The following COL16A1 variants were observed in gnomAD, a reference collection of about 807,000 sequenced individuals.
COL16A1 encodes collagen alpha-1(XVI) chain.
COL16A1 carries 189 observed loss-of-function variants against 266.3 expected under a neutral mutation model. The observed-to-expected ratio is 0.71, with a 90% confidence interval of 0.63 to 0.80. The LOEUF (loss-of-function observed/expected upper bound fraction) is 0.80, where lower values mean the gene tolerates loss of function less well. COL16A1 is among the 30% of genes least tolerant of loss of function. The probability of loss-of-function intolerance (pLI) is 0.00; values close to 1 mark genes in which losing one functional copy is unlikely to be tolerated. For synonymous variants in COL16A1, 740 were observed against 782.3 expected, an observed-to-expected ratio of 0.95 and a Z score of 0.90; for missense variants, 1,928 against 2,122.4, an observed-to-expected ratio of 0.91 and a Z score of 1.80.
chr1:31,683,185 G>C lies in COL16A1; in HGVS notation c.2469+9C>G. ...TGCAGGCCCAATACCCATGGAGGCA[G>C]AGGCTCACCTGGGCACCCTTCTCTC... On this transcript the variant is annotated intron_variant, in intron 36 of 70. Coordinates refer to ENST00000373672, the MANE Select transcript of COL16A1 (RefSeq NM_001856.4). 1.2e-6 allele frequency: 2 copies of C among 1,614,142 alleles called. No individual in the cohort carries two copies. Among genetic ancestry groups the C allele is most frequent in the Non-Finnish European group, 1.7e-6 (2 of 1,180,022 alleles).
At chr1:31,671,504 C>G in intron 48 of COL16A1, 111 bp downstream of exon 48, 1 of 1,363,888 alleles carries the variant, frequency 7.3e-7, no homozygotes. Context: ...AGTGGAAGTT[C>G]CCTCCTCCTG....
chr1:31,680,864 C>T, intron 39 of COL16A1, 41 bp downstream of exon 39: 4 of 1,613,956 alleles, frequency 2.5e-6, no homozygotes, highest in Non-Finnish European at 3.4e-6. Flanking sequence ...GGAGGGGCTG[C>T]TAATCCCCTA....
chr1:31,690,569 C>G lies in COL16A1; in HGVS notation c.1442G>C (p.Ser481Thr), dbSNP rs762161208. The G allele has an allele frequency of 6.2e-7, 1 of 1,613,732 alleles. No homozygotes were observed. Among genetic ancestry groups the G allele is most frequent in the Admixed American group, 1.7e-5 (1 of 60,010 alleles). Reference protein sequence around the residue: ...GPPGPKGDKGSSGIPGKEGPG... With the variant: ...GPPGPKGDKGTSGIPGKEGPG... Reference sequence around the variant, plus strand: ...GCCTTCCTTTCCTGGGATCCCCGAGCTGCCCTGTGGTCAGAAGAAAGGATA... The same window carrying G: ...GCCTTCCTTTCCTGGGATCCCCGAGGTGCCCTGTGGTCAGAAGAAAGGATA... Residue 481 changes from serine to threonine, a missense_variant, in exon 21 of 71, where the codon AGC becomes ACC. Around this residue, in one of 2 missense-constraint regions of COL16A1, gnomAD observed 1,552 missense variants for 1,637.2 expected, o/e 0.95. Coordinates refer to ENST00000373672, the MANE Select transcript of COL16A1 (RefSeq NM_001856.4).
Position 31,670,798 on chromosome 1 carries a change from C to T in COL16A1, c.3151-152G>A. On this transcript the variant is annotated intron_variant, in intron 48 of 70. Coordinates refer to ENST00000373672, the MANE Select transcript of COL16A1 (RefSeq NM_001856.4). This position sits in a 1 kb window ranked among gnomAD's most constrained non-coding sequence, Gnocchi z 4.5. ...AAAAGAGACTCCTTGAAAGTCTTGG[C>T]TCAAAAGACAACTGTTCCTCCCCTT... 1.8e-6 allele frequency: 1 copy of T among 563,142 alleles called. No homozygotes were observed. The highest frequency in any genetic ancestry group is 2.8e-6 in the Non-Finnish European group (1 of 354,358). 34.9% of individuals were successfully genotyped at this position (563,142 alleles called of 1,614,324 possible).
At chr1:31,701,665 G>A (rs1644729605) in intron 2 of COL16A1, 1 of 711,686 alleles carries the variant, frequency 1.4e-6, no homozygotes, top group Non-Finnish European at 1.7e-6. Flanking sequence ...TGAGCTAGAG[G>A]GATGGAGTCT....
chr1:31,688,400 G>A lies in COL16A1; in HGVS notation c.1803+67C>T, dbSNP rs375696711. The stretch of plus-strand genomic sequence containing the variant: ...TTTATATTACCCTTATTCCCCGCCC[G>A]CACCACTCCTCCCCTGCCTGCCTGC... On this transcript the variant is annotated intron_variant, in intron 26 of 70. Coordinates refer to ENST00000373672, the MANE Select transcript of COL16A1 (RefSeq NM_001856.4). This position sits in a 1 kb window ranked among gnomAD's most constrained non-coding sequence, Gnocchi z 4.9. The A allele has an allele frequency of 3.9e-5, 60 of 1,557,650 alleles. No individual in the cohort carries two copies. Among genetic ancestry groups the A allele is most frequent in the South Asian group, 2.0e-4 (18 of 89,860 alleles).
intron 62 of COL16A1, 33 bp from the exon 63 acceptor site, chr1:31,658,997 G>T: frequency 6.5e-7 from 1 of 1,548,864 alleles, no homozygotes; most frequent in South Asian, 1.2e-5. Flanking sequence ...GATAGAAACA[G>T]GTTCTAATAG....
At chr1:31,679,280 A>T in intron 42 of COL16A1, 2 of 946,296 alleles carry the variant, frequency 2.1e-6, no homozygotes, top group Non-Finnish European at 3.1e-6. Flanking sequence ...AGTGCCAGAA[A>T]ATAGCAAATG....
chr1:31,693,200 G>A (rs749251170), intron 12 of COL16A1, 46 bp from the exon 13 acceptor site: 1 of 1,314,944 alleles, frequency 7.6e-7, no homozygotes, highest in Non-Finnish European at 1.1e-6. Flanking sequence ...GGGGGCACAT[G>A]GGAGCCTTGA....
rs772635040 is a variant in COL16A1 at position 31,688,827 on chromosome 1, A to G, written c.1767+34T>C. ...ATCAACAGTATGGCAAGGATGGCTG[A>G]ACTGGGCTGGGCTGGGAGAAAGTCG... On this transcript the variant is annotated intron_variant, in intron 25 of 70. Transcript: ENST00000373672. This position sits in a 1 kb window ranked among gnomAD's most constrained non-coding sequence, Gnocchi z 4.9. The G allele has an allele frequency of 4.7e-5, 74 of 1,590,572 alleles. No individual in the cohort carries two copies. The highest frequency in any genetic ancestry group is 6.0e-5 in the Non-Finnish European group (70 of 1,165,136).
At chr1:31,703,629 T>C (rs1483522782) in intron 1 of COL16A1, among the ~76,000 whole-genome samples, 1 of 152,136 alleles carries the variant, frequency 6.6e-6, no homozygotes, top group Admixed American at 6.5e-5. Context: ...CCAGAGAAGC[T>C]TCCAAGGAGA....
Position 31,691,582 on chromosome 1 carries a change from A to G in COL16A1, c.1302+16T>C, listed in dbSNP as rs1034317121. Reference sequence around the variant, plus strand: ...CCTGCCACCCCATCTCCACCCCACAAACATCCACAACTCACCTTCTGCCCT... The same window carrying G: ...CCTGCCACCCCATCTCCACCCCACAGACATCCACAACTCACCTTCTGCCCT... On this transcript the variant is annotated intron_variant, in intron 18 of 70. Coordinates refer to ENST00000373672, the MANE Select transcript of COL16A1 (RefSeq NM_001856.4). The G allele has an allele frequency of 1.5e-5, 25 of 1,613,668 alleles. No homozygotes were observed. Among genetic ancestry groups the G allele is most frequent in the Middle Eastern group, 3.3e-4 (2 of 6,082 alleles).
At chr1:31,677,269 A>T (rs1282483017) in intron 42 of COL16A1, among the ~76,000 whole-genome samples, 1 of 152,208 alleles carries the variant, frequency 6.6e-6, no homozygotes, top group Admixed American at 6.5e-5. Context: ...TTGTATTTTT[A>T]GTAGAGACGG....
rs760935412 is a variant in COL16A1, at chr1:31,671,676, G to A, written c.3106-17C>T. The A allele has an allele frequency of 6.2e-6, 10 of 1,613,980 alleles. No individual in the cohort carries two copies. The highest frequency in any genetic ancestry group is 1.1e-5 in the South Asian group (1 of 91,070). ...AGGCGGACCCTGCAAAGGAAGCCAA[G>A]GGAAATGGATGAAGAGGCCCAGGCC... On this transcript the variant is annotated splice_polypyrimidine_tract_variant and intron_variant, in intron 47 of 70. Coordinates refer to ENST00000373672, the MANE Select transcript of COL16A1 (RefSeq NM_001856.4).
intron 46 of COL16A1, 23 bp from the exon 47 acceptor site, chr1:31,672,525 A>C (rs1159780050): frequency 7.4e-6 from 12 of 1,613,932 alleles, no homozygotes; most frequent in Non-Finnish European, 1.0e-5. Flanking sequence ...GGAGACGGTG[A>C]TAGTGAGCAG....
In COL16A1 at chr1:31,695,180, A is replaced by G; in HGVS notation, c.981+6T>C. ...GCTCCACCCTGCACACCCTCCATTC[A>G]CTCACATTGCTGTCCCGGGCACCAT... On this transcript the variant is annotated splice_donor_region_variant and intron_variant, in intron 11 of 70. Coordinates refer to ENST00000373672, the MANE Select transcript of COL16A1 (RefSeq NM_001856.4). 6.2e-7 allele frequency: 1 copy of G among 1,613,402 alleles called. No homozygotes were observed. Among genetic ancestry groups the G allele is most frequent in the East Asian group, 2.2e-5 (1 of 44,838 alleles).
At chr1:31,691,921 G>A (rs1644287894) in intron 17 of COL16A1, 84 bp downstream of exon 17, 1 of 1,597,116 alleles carries the variant, frequency 6.3e-7, no homozygotes, top group African/African-American at 1.3e-5. Flanking sequence ...GCAAGGGGAG[G>A]GGGCTGGATT....
rs1641926121 is a variant in COL16A1, at chr1:31,664,165, A to G, written c.3555+1007T>C. On this transcript the variant is annotated intron_variant, in intron 56 of 70. Transcript: ENST00000373672. This position sits in a 1 kb window ranked among gnomAD's most constrained non-coding sequence, Gnocchi z 5.5. ...GGTCCTGGGGAGGGGAAGGAAGGGG[A>G]AGGGGAAGGGGAAGGGGAAGGGGAA... 4.1e-5 allele frequency among the ~76,000 whole-genome samples: 1 copy of G among 24,532 alleles called. No individual in the cohort carries two copies. Among genetic ancestry groups the G allele is most frequent in the African/African-American group, 4.4e-5 (1 of 22,484 alleles). The allele number at this position is 24,532 out of a possible 152,430, so 16.1% of individuals were successfully genotyped here.
At chr1:31,655,694 T>C in intron 66 of COL16A1, 192 bp from the exon 67 acceptor site, 2 of 956,788 alleles carry the variant, frequency 2.1e-6, no homozygotes, top group South Asian at 1.8e-5. Flanking sequence ...TGTTACTCCC[T>C]GCTTAGAAAT....
Sources: gnomAD v4.1 joint callset for allele counts (sites outside exome capture counted in the v4.1 genomes callset) on GRCh38, gnomAD v4.1.1 for gene constraint, gnomAD v4.1.1 regional missense constraint, Gnocchi (gnomAD v3.1) non-coding constraint, MANE v1.5 for transcripts, NCBI Gene and HGNC (gene_info 2026-07-23, HGNC 2026-07-21) for gene names.